TANGO2: variants seen among roughly 807,000 people sequenced by gnomAD.
The protein encoded by TANGO2 is transport and golgi organization 2 homolog.
A neutral mutation model predicts 39.1 loss-of-function variants in TANGO2; 26 were observed. The ratio of observed to expected loss-of-function variants is 0.67; its 90% CI spans 0.49 to 0.92. The LOEUF (loss-of-function observed/expected upper bound fraction) is 0.92. TANGO2 is among the 40% of genes least tolerant of loss of function. TANGO2 has a pLI of 0.00. For synonymous variants in TANGO2, 131 were observed against 144.5 expected (o/e 0.91, Z 0.67); for missense variants, 326 against 360.1 (o/e 0.91, Z 0.77).
At chr22:20,053,363 G>T (rs753684817) in intron 4 of TANGO2, 74 bp from the exon 5 acceptor site, 5 of 1,065,540 alleles carry the variant, frequency 4.7e-6, no homozygotes, top group Admixed American at 1.8e-5. Flanking sequence ...TCCCCAGGGG[G>T]CCCCATATCA....
At chr22:20,051,372 A>G (rs958790272) in intron 3 of TANGO2, among the ~76,000 whole-genome samples, 11 of 151,884 alleles carry the variant, frequency 7.2e-5, no homozygotes, top group African/African-American at 2.4e-4. Flanking sequence ...TTTCTACTAA[A>G]AATACAAAAT....
intron 1 of TANGO2, 103 bp downstream of exon 1, chr22:20,021,349 G>C (rs1394213674): frequency 6.6e-6 from 1 of 152,294 alleles, no homozygotes; most frequent in Non-Finnish European, 1.5e-5. Context: ...GTCGATCCCG[G>C]CCGACGAAAA....
intron 4 of TANGO2, among the ~76,000 whole-genome samples, chr22:20,052,868 G>A (rs1263210553): frequency 1.3e-5 from 2 of 152,178 alleles, no homozygotes; most frequent in African/African-American, 4.8e-5. Context: ...GTGGCAGGTG[G>A]GTGGCTTCCG....
At chr22:20,059,286 T>C (rs1239596813) in intron 6 of TANGO2, among the ~76,000 whole-genome samples, 1 of 152,212 alleles carries the variant, frequency 6.6e-6, no homozygotes, top group East Asian at 1.9e-4. Context: ...CCTTTATCCA[T>C]TAATGGACAC....
intron 2 of TANGO2, among the ~76,000 whole-genome samples, chr22:20,040,744 C>G (rs577468121): frequency 2.0e-5 from 3 of 152,352 alleles, no homozygotes; most frequent in East Asian, 3.9e-4. Context: ...AAGGTGGGCT[C>G]TCCTGCCATC....
intron 1 of TANGO2, among the ~76,000 whole-genome samples, chr22:20,035,640 G>A (rs1260623812): frequency 2.0e-5 from 3 of 152,222 alleles, no homozygotes; most frequent in Admixed American, 6.5e-5. Context: ...CAGCTGCTGT[G>A]GGTGTGTGGG....
At chr22:20,032,136 G>A (rs1046843147) in intron 1 of TANGO2, among the ~76,000 whole-genome samples, 8 of 152,248 alleles carry the variant, frequency 5.3e-5, no homozygotes, top group South Asian at 2.1e-4. Context: ...GCCTCCTTCC[G>A]GTTGGGGTTG....
chr22:20,038,671 T>C (rs1185233377), intron 2 of TANGO2, among the ~76,000 whole-genome samples: 1 of 152,214 alleles, frequency 6.6e-6, no homozygotes, highest in Non-Finnish European at 1.5e-5. Context: ...TCTGGGTGAC[T>C]GAGCAAATGT....
At chr22:20,026,254 C>T (rs12165568) in intron 1 of TANGO2, among the ~76,000 whole-genome samples, 7,293 of 152,262 alleles carry the variant, frequency 0.048, 591 homozygotes, top group African/African-American at 0.17. Flanking sequence ...AAAAATTAGC[C>T]AGGCATGGTG....
chr22:20,043,306 G>C (rs1476530173), intron 2 of TANGO2, 49 bp from the exon 3 acceptor site: 2 of 1,389,640 alleles, frequency 1.4e-6, no homozygotes, highest in Non-Finnish European at 2.0e-6. Context: ...AAAAAGACTT[G>C]GCTCGCTCGT....
chr22:20,061,616 C>T lies in TANGO2; in HGVS notation c.538C>T (p.Arg180Trp), dbSNP rs776610669. 124 of 1,577,480 alleles carry T rather than the reference C, an allele frequency of 7.9e-5. No individual in the cohort carries two copies. Among genetic ancestry groups the T allele is most frequent in the Non-Finnish European group, 1.1e-4 (123 of 1,161,208 alleles). Residue 180 changes from arginine to tryptophan, a missense_variant, in exon 7 of 9, where the codon CGG (arginine) becomes TGG (tryptophan). Physicochemically the swap from Arg to Trp is moderately radical, Grantham distance 101 (BLOSUM62 -3). Coordinates refer to ENST00000327374, the MANE Select transcript of TANGO2 (RefSeq NM_152906.7). Reference protein sequence around the residue: ...GKQLFLEAVERSQALPKDVLI... With the variant: ...GKQLFLEAVEWSQALPKDVLI... ...GCAGCTCTTCCTGGAGGCTGTGGAA[C>T]GGAGCCAGGCGCTGCCCAAGGATGT...
At chr22:20,041,239 C>T (rs1169796723) in intron 2 of TANGO2, among the ~76,000 whole-genome samples, 4 of 152,158 alleles carry the variant, frequency 2.6e-5, no homozygotes, top group South Asian at 2.1e-4. Flanking sequence ...CTCCGCCTCC[C>T]GGGTTCAAGC....
chr22:20,055,705 G>GGAGGA, intron 5 of TANGO2: 1 of 585,276 alleles, frequency 1.7e-6, no homozygotes, highest in Non-Finnish European at 3.1e-6. Flanking sequence ...GTGCCTCCTG[G>GGAGGA]GCTGGTGGGC....
At chr22:20,043,490 C>A in intron 3 of TANGO2, 47 bp downstream of exon 3, 1 of 1,397,664 alleles carries the variant, frequency 7.2e-7, no homozygotes, top group Non-Finnish European at 1.0e-6. Context: ...TGTTGCTTCC[C>A]TAGCCCCTGC....
At chr22:20,022,787 G>A (rs1304862399) in intron 1 of TANGO2, among the ~76,000 whole-genome samples, 1 of 152,262 alleles carries the variant, frequency 6.6e-6, no homozygotes, top group East Asian at 1.9e-4. Context: ...GCTTCTCAGG[G>A]ACCCCAGAAG....
chr22:20,046,450 A>T (rs1220777389), intron 3 of TANGO2, among the ~76,000 whole-genome samples: 1 of 148,414 alleles, frequency 6.7e-6, no homozygotes, highest in African/African-American at 2.5e-5. Context: ...TGCCCAGCCA[A>T]GGCTGGGTAA....
At chr22:20,037,381 AC>A (rs1228687407) in intron 2 of TANGO2, among the ~76,000 whole-genome samples, 1 of 152,148 alleles carries the variant, frequency 6.6e-6, no homozygotes, top group African/African-American at 2.4e-5. Context: ...GGACGGCCAC[AC>A]CTCCATTCCC....
intron 2 of TANGO2, among the ~76,000 whole-genome samples, chr22:20,041,438 G>A (rs553975741): frequency 2.0e-5 from 3 of 150,950 alleles, no homozygotes; most frequent in Admixed American, 6.6e-5. Context: ...TCAGCCTCCC[G>A]AGTAGCTGGG....
chr22:20,040,694 GC>G lies in TANGO2; in HGVS notation c.57-2660del, dbSNP rs536062846. Among the ~76,000 whole-genome samples the G allele has an allele frequency of 5.2e-3, 799 of 152,338 alleles. 11 individuals carry two copies. Among genetic ancestry groups the G allele is most frequent in the African/African-American group, 0.018 (751 of 41,582 alleles). On this transcript the variant is annotated intron_variant, in intron 2 of 8. Coordinates refer to ENST00000327374, the MANE Select transcript of TANGO2 (RefSeq NM_152906.7). ...CAGGACTGGCCCATCCAGGTCTGGG[GC>G]AAGTGCACTGCCTTCTACTAGCACT... is the stretch of plus-strand genomic sequence containing the variant.
Sources: gnomAD v4.1 joint callset for allele counts (sites outside exome capture counted in the v4.1 genomes callset) on GRCh38, gnomAD v4.1.1 for gene constraint, MANE v1.5 for transcripts, NCBI Gene and HGNC (gene_info 2026-07-23, HGNC 2026-07-21) for gene names.